The following CRACR2A variants were observed in gnomAD, a reference collection of about 807,000 sequenced individuals.
CRACR2A encodes calcium release activated channel regulator 2A.
CRACR2A carries 79 observed loss-of-function variants against 90.5 expected under a neutral mutation model. The observed-to-expected ratio is 0.87, with a 90% CI of 0.73 to 1.05. The LOEUF (loss-of-function observed/expected upper bound fraction) is 1.05. Ranked by LOEUF, CRACR2A falls within the 50% of genes least tolerant of loss-of-function variation. CRACR2A has a pLI of 0.00. For synonymous variants in CRACR2A, 338 were observed against 356.7 expected (o/e 0.95, Z 0.59); for missense variants, 823 against 897.2 (o/e 0.92, Z 1.06).
chr12:3,654,627 T>C (rs934414993), intron 9 of CRACR2A, among the ~76,000 whole-genome samples: 2 of 152,174 alleles, frequency 1.3e-5, no homozygotes, highest in Admixed American at 6.5e-5. Context: ...TGTCTCCACA[T>C]AGGACCACTA....
intron 8 of CRACR2A, among the ~76,000 whole-genome samples, chr12:3,657,374 C>T (rs778148930): frequency 4.7e-4 from 72 of 152,336 alleles, no homozygotes; most frequent in Middle Eastern, 3.4e-3. Flanking sequence ...AGGACTCTTT[C>T]CCAAGGAGGA....
intron 9 of CRACR2A, among the ~76,000 whole-genome samples, chr12:3,655,280 G>A (rs1003222828): frequency 1.3e-5 from 2 of 152,184 alleles, no homozygotes; most frequent in Admixed American, 6.5e-5. Context: ...GCATAATAGA[G>A]AGGAAGAGAA....
intron 10 of CRACR2A, among the ~76,000 whole-genome samples, chr12:3,651,967 C>T (rs1019428021): frequency 7.2e-5 from 11 of 152,162 alleles, no homozygotes; most frequent in South Asian, 2.1e-4. Context: ...CCTCCCTGGA[C>T]GGGACATGCT....
rs573624376 is a variant in CRACR2A, at chr12:3,648,196, A to G, written c.1118+346T>C. 1,418 of 1,133,630 alleles carry G rather than the reference A, an allele frequency of 1.3e-3. 1 individual carries two copies. Among genetic ancestry groups the G allele is most frequent in the Non-Finnish European group, 1.4e-3 (1,333 of 923,462 alleles). The allele number at this position is 1,133,630 out of a possible 1,614,324, so 70.2% of individuals were successfully genotyped here. ...TACTCACCTAACAGTTTTGCTGACA[A>G]TGAACGAGATAATATTTCTAGCATA... On this transcript the variant is annotated intron_variant, in intron 11 of 19. Coordinates refer to ENST00000440314, the MANE Select transcript of CRACR2A (RefSeq NM_001144958.2).
chr12:3,620,455 G>A (rs1478920833), intron 17 of CRACR2A, among the ~76,000 whole-genome samples: 1 of 152,212 alleles, frequency 6.6e-6, no homozygotes, highest in Non-Finnish European at 1.5e-5. Flanking sequence ...CCATCTTACA[G>A]ATATACCAAT....
At chr12:3,632,331 T>C (rs968795065) in intron 15 of CRACR2A, among the ~76,000 whole-genome samples, 4 of 152,242 alleles carry the variant, frequency 2.6e-5, no homozygotes, top group East Asian at 1.9e-4. Context: ...TATTTCTTTA[T>C]AGCAGTGCAA....
At chr12:3,620,939 C>A (rs999936912) in intron 17 of CRACR2A, among the ~76,000 whole-genome samples, 19 of 152,146 alleles carry the variant, frequency 1.2e-4, no homozygotes, top group Non-Finnish European at 2.1e-4. Flanking sequence ...ACCCTGTGGC[C>A]CCCTATTAGC....
intron 15 of CRACR2A, among the ~76,000 whole-genome samples, chr12:3,628,936 C>T (rs551934601): frequency 3.3e-5 from 5 of 152,330 alleles, no homozygotes; most frequent in African/African-American, 1.2e-4. Context: ...GGACCATCCA[C>T]TTCCAGAGTG....
intron 2 of CRACR2A, among the ~76,000 whole-genome samples, chr12:3,723,840 A>T (rs1274563673): frequency 6.6e-6 from 1 of 152,132 alleles, no homozygotes; most frequent in Non-Finnish European, 1.5e-5. Flanking sequence ...CTCTCTCAAC[A>T]TTAAATCAGT....
intron 10 of CRACR2A, among the ~76,000 whole-genome samples, chr12:3,651,335 C>T (rs973512848): frequency 6.6e-6 from 1 of 152,236 alleles, no homozygotes; most frequent in African/African-American, 2.4e-5. Context: ...ATATACAGAG[C>T]ATACTCTCAA....
At chr12:3,719,991 C>T (rs1383183617) in intron 2 of CRACR2A, among the ~76,000 whole-genome samples, 14 of 151,564 alleles carry the variant, frequency 9.2e-5, no homozygotes, top group South Asian at 2.1e-4. Flanking sequence ...TGGTGGCGGG[C>T]GCCTGTAATC....
intron 14 of CRACR2A, among the ~76,000 whole-genome samples, chr12:3,637,577 T>G (rs1944477637): frequency 6.6e-6 from 1 of 152,158 alleles, no homozygotes; most frequent in African/African-American, 2.4e-5. Context: ...AGCTCACATT[T>G]CTTTCCTTAT....
At chr12:3,677,936 G>A (rs1294917763) in intron 6 of CRACR2A, among the ~76,000 whole-genome samples, 1 of 152,138 alleles carries the variant, frequency 6.6e-6, no homozygotes, top group African/African-American at 2.4e-5. Flanking sequence ...AATTCACAGA[G>A]CTTCGGCCTG....
At chr12:3,699,231 A>G (rs1190779593) in intron 3 of CRACR2A, among the ~76,000 whole-genome samples, 1 of 152,150 alleles carries the variant, frequency 6.6e-6, no homozygotes, top group African/African-American at 2.4e-5. Flanking sequence ...CTCATCCCCA[A>G]CTGATCTAAA....
rs145326197 is a variant in CRACR2A at position 3,630,765 on chromosome 12, C to T, written c.1735+2839G>A. On this transcript the variant is annotated intron_variant, in intron 15 of 19. Coordinates refer to ENST00000440314, the MANE Select transcript of CRACR2A (RefSeq NM_001144958.2). ...GATGCCCGCAGGGCTCAAGCACCTG[C>T]TCTTGAAGGAGCAGGCTGGGCCCTA... Among the ~76,000 whole-genome samples the T allele has an allele frequency of 7.6e-3, 1,151 of 152,360 alleles. 11 individuals are homozygous for T. Among genetic ancestry groups the T allele is most frequent in the East Asian group, 0.038 (195 of 5,168 alleles).
At chr12:3,625,666 C>A (rs1479394980) in intron 17 of CRACR2A, among the ~76,000 whole-genome samples, 1 of 149,688 alleles carries the variant, frequency 6.7e-6, no homozygotes, top group Non-Finnish European at 1.5e-5. Context: ...AAAATTGTAG[C>A]TGACCTCCAA....
intron 15 of CRACR2A, among the ~76,000 whole-genome samples, chr12:3,630,816 C>T (rs1944364342): frequency 6.6e-6 from 1 of 152,244 alleles, no homozygotes; most frequent in African/African-American, 2.4e-5. Context: ...ACGCCCCAGT[C>T]ACCAGTTGCA....
At position 3,633,865 on chromosome 12, in the gene CRACR2A, C is replaced by T. The variant is rs1470420702; in HGVS notation, c.1603-129G>A. 3.1e-6 allele frequency: 4 copies of T among 1,274,780 alleles called. No individual in the cohort carries two copies. The highest frequency in any genetic ancestry group is 3.0e-5 in the African/African-American group (2 of 67,198). 79.0% of individuals were successfully genotyped at this position (1,274,780 alleles called of 1,614,324 possible). A position where few individuals can be genotyped will look rare whatever the true frequency, so the allele number is the denominator to read the frequency against. On this transcript the variant is annotated intron_variant, in intron 14 of 19. Coordinates refer to ENST00000440314, the MANE Select transcript of CRACR2A (RefSeq NM_001144958.2). This position sits in a 1 kb window ranked among gnomAD's most constrained non-coding sequence, Gnocchi z 4.5. ...GTGCAGACCGGCCTCTAGACCTGCA[C>T]CAGGAGGCTGCCACAGCCTCAGAAT...
rs564454965 is a variant in CRACR2A at position 3,665,130 on chromosome 12, A to T, written c.672-5476T>A. ...ATGTAACGCAGAAGAGACGAAGAAG[A>T]GGTAGATGAAAGAAGAGTGAGGGCA... On this transcript the variant is annotated intron_variant, in intron 7 of 19. Transcript: ENST00000440314. 4.6e-5 allele frequency among the ~76,000 whole-genome samples: 7 copies of T among 152,374 alleles called. No homozygotes were observed. The East Asian group carries it at 1.2e-3, about 25-fold the overall frequency.
Sources: allele counts gnomAD v4.1 joint callset (sites outside exome capture counted in the v4.1 genomes callset), GRCh38; gene constraint gnomAD v4.1.1; non-coding constraint Gnocchi (gnomAD v3.1); transcripts MANE v1.5; gene names NCBI Gene and HGNC (gene_info 2026-07-23, HGNC 2026-07-21).